PPFIA3: variants seen among roughly 807,000 people sequenced by gnomAD.
PPFIA3 encodes liprin-alpha-3.
Under a neutral mutation model 145.8 loss-of-function variants are expected in PPFIA3, and 26 were observed. The observed-to-expected ratio is 0.18, with a 90% CI of 0.13 to 0.25. The LOEUF is 0.25. Among genes scored for constraint, PPFIA3 ranks in the 10% least tolerant of loss-of-function variants. PPFIA3 has a pLI of 1.00. For synonymous variants in PPFIA3, 645 were observed against 661.4 expected (o/e 0.98, Z 0.38); for missense variants, 1,008 against 1,587.8 (o/e 0.63, Z 6.21).
intron 1 of PPFIA3, among the ~76,000 whole-genome samples, chr19:49,122,188 C>T (rs534391264): frequency 6.6e-6 from 1 of 150,556 alleles, no homozygotes; most frequent in East Asian, 2.0e-4. Context: ...TCAAGCGATT[C>T]TCCTGCCTCA....
chr19:49,135,064 CAG>C, intron 13 of PPFIA3, 149 bp downstream of exon 13: 1 of 622,622 alleles, frequency 1.6e-6, no homozygotes, highest in Non-Finnish European at 2.6e-6. Flanking sequence ...TGTTTTGAGA[CAG>C]AGTCTCACTC....
rs1397152814 is a variant in PPFIA3, at chr19:49,135,826, C to T, written c.1568C>T (p.Thr523Ile). The T allele has an allele frequency of 6.2e-7, 1 of 1,613,900 alleles. No homozygotes were observed. The highest frequency in any genetic ancestry group is 8.5e-7 in the Non-Finnish European group (1 of 1,179,948). Residue 523 changes from threonine to isoleucine, a missense_variant, in exon 14 of 30, where the codon ACT becomes ATT. Thr to Ile is a moderately conservative substitution (Grantham distance 89). Coordinates refer to ENST00000334186, the MANE Select transcript of PPFIA3 (RefSeq NM_003660.4). ...ALELRYSQAP[T>I]LPSGAHLDPY... ...GAGCTCCGTTACTCTCAGGCACCCA[C>T]TTTACCTTCTGGTGCCCACCTGGAT...
At chr19:49,143,734 C>A (rs1282230086) in intron 21 of PPFIA3, among the ~76,000 whole-genome samples, 1 of 152,144 alleles carries the variant, frequency 6.6e-6, no homozygotes, top group African/African-American at 2.4e-5. Context: ...GTACCCAGTT[C>A]AGCGATTCTC....
In PPFIA3 at chr19:49,148,160, C is replaced by T; in HGVS notation, c.2913C>T (p.Arg971=). The change falls in exon 24 of 30, where the codon CGC becomes CGT. Residue 971 remains arginine (R), a synonymous_variant. Transcript: ENST00000334186. ...WLPSLGLPQY[R]SYFMESLVDA... is the part of the protein sequence containing the mutation. Reference sequence around the variant, plus strand: ...CCAGCCTGGGGCTGCCCCAATACCGCAGCTACTTCATGGAGTCGCTGGTGG... The same window carrying T: ...CCAGCCTGGGGCTGCCCCAATACCGTAGCTACTTCATGGAGTCGCTGGTGG... 6.2e-7 allele frequency: 1 copy of T among 1,614,240 alleles called. No homozygotes were observed.
At position 49,150,168 on chromosome 19, in the gene PPFIA3, G is replaced by C. The variant is rs754946971; in HGVS notation, c.*13+17G>C. 4.4e-5 allele frequency: 70 copies of C among 1,597,054 alleles called. No individual in the cohort carries two copies. The Middle Eastern group carries it at 5.0e-4, about 11-fold the overall frequency. ...GGCCTCCAGGTGAGGACCGTGCTGG[G>C]CGACCTTGGGGGTGCGGGGCGGCAC... On this transcript the variant is annotated intron_variant, in intron 29 of 29. Transcript: ENST00000334186.
chr19:49,130,536 C>T lies in PPFIA3; in HGVS notation c.816C>T (p.Thr272=), dbSNP rs930030785. 5 of 1,580,924 alleles carry T rather than the reference C, an allele frequency of 3.2e-6. No homozygotes were observed. The highest frequency in any genetic ancestry group is 1.3e-5 in the African/African-American group (1 of 74,440). ...GCCAGCTGGAGGAGGAGTTGGGCAC[C>T]GCGCACCGTGAGCTGGGCAAGGCAG... ...QMSQLEEELG[T]AHRELGKAEE... The change falls in exon 7 of 30, where the codon ACC becomes ACT. Residue 272 remains threonine (T), a synonymous_variant. Coordinates refer to ENST00000334186, the MANE Select transcript of PPFIA3 (RefSeq NM_003660.4). The surrounding 1 kb of genome is among the most constrained non-coding windows in gnomAD (Gnocchi z 4.5).
At chr19:49,136,941 T>C (rs1472509668) in intron 15 of PPFIA3, 30 bp downstream of exon 15, 1 of 1,468,276 alleles carries the variant, frequency 6.8e-7, no homozygotes. Context: ...CGGCCTGCCC[T>C]GCCCTGCCGG....
Position 49,149,508 on chromosome 19 carries a change from G to A in PPFIA3, c.3355-39G>A, listed in dbSNP as rs201904143. 4.1e-4 allele frequency: 658 copies of A among 1,612,806 alleles called. No homozygotes were observed. Among genetic ancestry groups the A allele is most frequent in the Non-Finnish European group, 5.3e-4 (621 of 1,179,212 alleles). On this transcript the variant is annotated intron_variant, in intron 27 of 29. Coordinates refer to ENST00000334186, the MANE Select transcript of PPFIA3 (RefSeq NM_003660.4). The surrounding 1 kb of genome is among the most constrained non-coding windows in gnomAD (Gnocchi z 5.7). ...AAAGGAAGGGGCGGAGTCAGACAAG[G>A]CAGGAGTCCCTCACCGGCTGTCCGG... is the stretch of plus-strand genomic sequence containing the variant.
chr19:49,143,636 G>T (rs560676893), intron 21 of PPFIA3, among the ~76,000 whole-genome samples: 3 of 152,202 alleles, frequency 2.0e-5, no homozygotes, highest in East Asian at 3.8e-4. Context: ...GCCTCCCAAA[G>T]TGTTGAGATT....
At position 49,139,711 on chromosome 19, in the gene PPFIA3, G is replaced by T; in HGVS notation, c.2120G>T (p.Gly707Val). The change falls in exon 17 of 30, where the codon GGG becomes GTG. Residue 707 changes from glycine (G) to valine (V), a missense_variant. Gly to Val is a moderately radical substitution (Grantham distance 109). Coordinates refer to ENST00000334186, the MANE Select transcript of PPFIA3 (RefSeq NM_003660.4). ...KEEAGAPRGEGPAIPGDTPPP... is the reference protein window; with the variant it reads ...KEEAGAPRGEVPAIPGDTPPP... ...GAAGCTGGAGCTCCACGAGGGGAGG[G>T]GCCGGCCATCCCAGGAGACACCCCA... 6.2e-7 allele frequency: 1 copy of T among 1,612,660 alleles called. No individual in the cohort carries two copies. Among genetic ancestry groups the T allele is most frequent in the South Asian group, 1.1e-5 (1 of 90,958 alleles).
chr19:49,132,081 C>T lies in PPFIA3; in HGVS notation c.880-920C>T, dbSNP rs117116388. ...TTGGGAGGTGGAAGTTGCAGTAAGC[C>T]GAGATCCGTACCACTGCACTCCAGC... is the stretch of plus-strand genomic sequence containing the variant. On this transcript the variant is annotated intron_variant, in intron 7 of 29. Transcript: ENST00000334186. Among the ~76,000 whole-genome samples the T allele has an allele frequency of 8.7e-3, 1,321 of 151,322 alleles. 7 individuals are homozygous for T. The highest frequency in any genetic ancestry group is 0.014 in the Middle Eastern group (4 of 292).
chr19:49,128,529 G>A lies in PPFIA3; in HGVS notation c.342+61G>A, dbSNP rs2122546952. On this transcript the variant is annotated intron_variant, in intron 3 of 29. Transcript: ENST00000334186. The surrounding 1 kb of genome is among the most constrained non-coding windows in gnomAD (Gnocchi z 4.1). ...GGGGCCTCGTGGTGTTGAAGTGGGG[G>A]GCGGGGCCTCTCAGTGTTGCAGCGT... The A allele has an allele frequency of 2.1e-6, 3 of 1,451,354 alleles. No individual in the cohort carries two copies. Among genetic ancestry groups the A allele is most frequent in the East Asian group, 4.6e-5 (2 of 43,380 alleles). 89.9% of individuals were successfully genotyped at this position (1,451,354 alleles called of 1,614,324 possible).
At chr19:49,146,270 C>T (rs1171898522) in intron 23 of PPFIA3, 78 bp downstream of exon 23, 3 of 1,523,346 alleles carry the variant, frequency 2.0e-6, no homozygotes, top group Non-Finnish European at 1.8e-6. Flanking sequence ...CGAGCCCTGC[C>T]CCTGCCTTCA....
chr19:49,135,035 T>TTTTTG (rs1555743460), intron 13 of PPFIA3, 120 bp downstream of exon 13: 22 of 690,978 alleles, frequency 3.2e-5, no homozygotes, highest in Middle Eastern at 4.3e-4. Context: ...TGTTTTTGTT[T>TTTTTG]TTTGTTTGTT....
At position 49,130,655 on chromosome 19, in the gene PPFIA3, T is replaced by C; in HGVS notation, c.879+56T>C. ...GGTCCCTCGCCTTTCCGTAGAGCTC[T>C]CCCTCGCGCATTGCTCATGAATGGC... On this transcript the variant is annotated intron_variant, in intron 7 of 29. Coordinates refer to ENST00000334186, the MANE Select transcript of PPFIA3 (RefSeq NM_003660.4). This position sits in a 1 kb window ranked among gnomAD's most constrained non-coding sequence, Gnocchi z 4.5. The C allele has an allele frequency of 6.9e-7, 1 of 1,445,550 alleles. No homozygotes were observed. The allele number at this position is 1,445,550 out of a possible 1,614,324, so 89.5% of individuals were successfully genotyped here.
intron 18 of PPFIA3, among the ~76,000 whole-genome samples, chr19:49,140,770 T>C (rs1218883182): frequency 6.8e-6 from 1 of 146,120 alleles, no homozygotes. Flanking sequence ...TTCTCCTGCC[T>C]CAGCCTCCCC....
Position 49,128,492 on chromosome 19 carries a change from C to A in PPFIA3, c.342+24C>A. On this transcript the variant is annotated intron_variant, in intron 3 of 29. Transcript: ENST00000334186. This position sits in a 1 kb window ranked among gnomAD's most constrained non-coding sequence, Gnocchi z 4.1. ...GGGTGAGGGGTGTTGAGGGCGGGGC[C>A]TAAGTGGGGGCGGGGCCTCGTGGTG... 1.0e-5 allele frequency: 13 copies of A among 1,304,748 alleles called. No individual in the cohort carries two copies. Among genetic ancestry groups the A allele is most frequent in the South Asian group, 2.7e-5 (2 of 75,030 alleles). The allele number at this position is 1,304,748 out of a possible 1,614,324, so 80.8% of individuals were successfully genotyped here. A position where few individuals can be genotyped will look rare whatever the true frequency, so the allele number is the denominator to read the frequency against.
chr19:49,148,482 G>A, intron 24 of PPFIA3, 184 bp from the exon 25 acceptor site: 3 of 725,954 alleles, frequency 4.1e-6, no homozygotes, highest in Non-Finnish European at 4.5e-6. Flanking sequence ...CCCCTTCCAG[G>A]CTGGCCAGTA....
In PPFIA3 at chr19:49,150,318, G is replaced by T; in HGVS notation, c.*96G>T. ...GGACTGTGGCCTCGCCGGGGAGAGC[G>T]GGCGGGGGAGCTCGCGCCGAGGACT... On this transcript the variant is annotated 3_prime_UTR_variant, in exon 30 of 30. Coordinates refer to ENST00000334186, the MANE Select transcript of PPFIA3 (RefSeq NM_003660.4). The T allele has an allele frequency of 4.3e-6, 3 of 689,810 alleles. No individual in the cohort carries two copies. Among genetic ancestry groups the T allele is most frequent in the Non-Finnish European group, 7.1e-6 (3 of 421,944 alleles). 42.7% of individuals were successfully genotyped at this position (689,810 alleles called of 1,614,324 possible).
Sources: gnomAD v4.1 joint callset for allele counts (sites outside exome capture counted in the v4.1 genomes callset) on GRCh38, gnomAD v4.1.1 for gene constraint, Gnocchi (gnomAD v3.1) non-coding constraint, MANE v1.5 for transcripts, NCBI Gene and HGNC (gene_info 2026-07-23, HGNC 2026-07-21) for gene names.